GPR161: variants seen among roughly 807,000 people sequenced by gnomAD.
The protein encoded by GPR161 is G protein-coupled receptor 161, also known as G-protein coupled receptor RE2.
In GPR161, 25 loss-of-function variants were observed where a neutral mutation model predicts 39.2. That is an observed-to-expected ratio of 0.64 (90% CI 0.47 to 0.89). The LOEUF is 0.89. Among genes scored for constraint, GPR161 ranks in the 40% least tolerant of loss-of-function variants. GPR161 has a pLI of 0.00. For synonymous variants in GPR161, 286 were observed against 276.6 expected, an observed-to-expected ratio of 1.03 and a Z score of -0.34; for missense variants, 547 against 677.8, an observed-to-expected ratio of 0.81 and a Z score of 2.14.
rs763343811 is a variant in GPR161, at chr1:168,085,732, T to G, written c.1389A>C (p.Ala463=). ...AEVHKSLDSY[A]ASLAKAIEAE... is the part of the protein sequence containing the mutation. ...CCTCAATGGCTTTGGCCAAGCTTGC[T>G]GCGTAACTGTCCAAGGACTTGTGTA... Residue 463 remains alanine (A), a synonymous_variant, in exon 6 of 6, where the codon GCA becomes GCC. Coordinates refer to ENST00000682931, the MANE Select transcript of GPR161 (RefSeq NM_001375883.1). 2.2e-5 allele frequency: 36 copies of G among 1,614,118 alleles called. No individual in the cohort carries two copies. The highest frequency in any genetic ancestry group is 2.9e-5 in the Non-Finnish European group (34 of 1,180,020).
At chr1:168,129,952 A>G (rs1031933114) in intron 1 of GPR161, among the ~76,000 whole-genome samples, 10 of 151,958 alleles carry the variant, frequency 6.6e-5, no homozygotes, top group Non-Finnish European at 1.3e-4. Flanking sequence ...GCCAAACCCA[A>G]TGGGCCCTTA....
At position 168,095,753 on chromosome 1, in the gene GPR161, A is replaced by T. The variant is rs979861221; in HGVS notation, c.1099+755T>A. ...GAGGTGGGGAGGGGGTGCTGACAAG[A>T]GGAAACACTGAAGGAAAGGATGTGG... On this transcript the variant is annotated intron_variant, in intron 3 of 5. Transcript: ENST00000682931. 9.9e-5 allele frequency among the ~76,000 whole-genome samples: 15 copies of T among 152,264 alleles called. No homozygotes were observed. The South Asian group carries it at 2.3e-3, about 23-fold the overall frequency.
intron 3 of GPR161, among the ~76,000 whole-genome samples, chr1:168,091,269 G>A (rs529935887): frequency 5.2e-4 from 79 of 152,274 alleles, no homozygotes; most frequent in Middle Eastern, 3.4e-3. Context: ...GCTAGGCCTC[G>A]GGCGCCAGAC....
chr1:168,099,884 C>A, intron 2 of GPR161, among the ~76,000 whole-genome samples: 1 of 144,426 alleles, frequency 6.9e-6, no homozygotes, highest in East Asian at 2.0e-4. Context: ...TTGAAATGCA[C>A]GCATCTACAC....
At chr1:168,121,914 G>A (rs911144961) in intron 1 of GPR161, among the ~76,000 whole-genome samples, 36 of 152,190 alleles carry the variant, frequency 2.4e-4, no homozygotes, top group African/African-American at 8.4e-4. Context: ...CTAAGGTGAA[G>A]CTGGGTCACA....
intron 1 of GPR161, among the ~76,000 whole-genome samples, chr1:168,120,660 G>T (rs1224096218): frequency 2.6e-5 from 4 of 152,128 alleles, no homozygotes; most frequent in Admixed American, 6.5e-5. Context: ...TGTCGAGAGA[G>T]GGACCTGGTG....
At chr1:168,130,039 G>A (rs75920057) in intron 1 of GPR161, among the ~76,000 whole-genome samples, 4,621 of 152,190 alleles carry the variant, frequency 0.03, 94 homozygotes, top group East Asian at 0.068. Context: ...TCTTCCCTGA[G>A]CTCCTCTCTC....
intron 1 of GPR161, among the ~76,000 whole-genome samples, chr1:168,125,155 C>T (rs1170605580): frequency 6.6e-6 from 1 of 152,162 alleles, no homozygotes; most frequent in African/African-American, 2.4e-5. Flanking sequence ...TACTTATCTG[C>T]AGTTTCCCTT....
chr1:168,119,690 G>A (rs992897983), intron 1 of GPR161, among the ~76,000 whole-genome samples: 1 of 152,138 alleles, frequency 6.6e-6, no homozygotes, highest in Non-Finnish European at 1.5e-5. Flanking sequence ...ATCTTATCTC[G>A]AATTGTAATC....
At chr1:168,113,132 C>T (rs1697359961) in intron 1 of GPR161, among the ~76,000 whole-genome samples, 1 of 152,178 alleles carries the variant, frequency 6.6e-6, no homozygotes, top group Admixed American at 6.5e-5. Context: ...CCAGCTTACC[C>T]AGGGCCCAAC....
rs375708777 is a variant in GPR161, at chr1:168,101,322, C to T, written c.374+3155G>A. ...GGGAACCCCTGGGTATACGTGGCAA[C>T]GTCTATAGACATTTTGGGCTGTCAC... is the stretch of plus-strand genomic sequence containing the variant. On this transcript the variant is annotated intron_variant, in intron 2 of 5. Coordinates refer to ENST00000682931, the MANE Select transcript of GPR161 (RefSeq NM_001375883.1). 7.2e-4 allele frequency among the ~76,000 whole-genome samples: 109 copies of T among 152,208 alleles called. 2 individuals carry two copies. In the South Asian group the frequency reaches 0.02, roughly 28 times the overall value.
rs1694186418 is a variant in GPR161 at position 168,083,084 on chromosome 1, A to G, written c.*2447T>C. ...TGAAGCCACACTTCTTTCTATAACCACGACTTGACTTTGCTAGTTATTAGA... is the reference window on the plus strand; with the variant it reads ...TGAAGCCACACTTCTTTCTATAACCGCGACTTGACTTTGCTAGTTATTAGA... On this transcript the variant is annotated 3_prime_UTR_variant, in exon 6 of 6. Coordinates refer to ENST00000682931, the MANE Select transcript of GPR161 (RefSeq NM_001375883.1). 2.0e-5 allele frequency: 3 copies of G among 152,094 alleles called. No homozygotes were observed. Among genetic ancestry groups the G allele is most frequent in the Admixed American group, 2.0e-4 (3 of 15,262 alleles). 9.4% of individuals were successfully genotyped at this position (152,094 alleles called of 1,614,324 possible). A position where few individuals can be genotyped will look rare whatever the true frequency, so the allele number is the denominator to read the frequency against.
chr1:168,104,655 C>T lies in GPR161; in HGVS notation c.196G>A (p.Val66Ile), dbSNP rs374132371. 2.0e-5 allele frequency: 33 copies of T among 1,613,922 alleles called. No individual in the cohort carries two copies. The highest frequency in any genetic ancestry group is 8.0e-5 in the African/African-American group (6 of 74,896). Reference protein sequence around the residue: ...SYLLTLSNKFVFSLTLSNFLL... With the variant: ...SYLLTLSNKFIFSLTLSNFLL... ...AAGTTGGACAGAGTCAGGCTGAAGA[C>T]GAACTTGTTGCTGAGGGTGAGGAGG... Residue 66 changes from valine (V) to isoleucine (I), a missense_variant, in exon 2 of 6, where the codon GTC becomes ATC. Val to Ile is a conservative substitution (Grantham distance 29, BLOSUM62 3). Coordinates refer to ENST00000682931, the MANE Select transcript of GPR161 (RefSeq NM_001375883.1).
At chr1:168,137,350 T>C (rs1405681596), upstream of GPR161, 1 of 1,535,826 alleles carries the variant, frequency 6.5e-7, no homozygotes, top group Admixed American at 2.0e-5. Flanking sequence ...CCTCCTCCAG[T>C]CCCGCCGTGG....
At chr1:168,131,092 A>G (rs1698953030) in intron 1 of GPR161, among the ~76,000 whole-genome samples, 1 of 152,108 alleles carries the variant, frequency 6.6e-6, no homozygotes, top group Non-Finnish European at 1.5e-5. Context: ...CAGACATCCA[A>G]TGCATCACTA....
chr1:168,132,429 T>C (rs546165767), intron 1 of GPR161, among the ~76,000 whole-genome samples: 1 of 147,384 alleles, frequency 6.8e-6, no homozygotes, highest in East Asian at 2.1e-4. Context: ...CTACTAAAAA[T>C]ACAAAAAAAT....
chr1:168,132,213 C>A (rs138812999), intron 1 of GPR161, among the ~76,000 whole-genome samples: 1 of 151,720 alleles, frequency 6.6e-6, no homozygotes, highest in African/African-American at 2.4e-5. Flanking sequence ...TGCAGTGAGC[C>A]GAGATCATGC....
rs529051306 is a variant in GPR161, at chr1:168,080,272, C to T, written c.*5259G>A. 1.3e-5 allele frequency: 2 copies of T among 152,308 alleles called. No individual in the cohort carries two copies. The highest frequency in any genetic ancestry group is 3.9e-4 in the East Asian group (2 of 5,178). 9.4% of individuals were successfully genotyped at this position (152,308 alleles called of 1,614,324 possible). ...AGCCCTGCTGGCCTGTTCTGTGATA[C>T]TGATGACTCTTAACTATACCTCATC... is the stretch of plus-strand genomic sequence containing the variant. On this transcript the variant is annotated 3_prime_UTR_variant, in exon 6 of 6. Coordinates refer to ENST00000682931, the MANE Select transcript of GPR161 (RefSeq NM_001375883.1).
At chr1:168,128,256 G>C (rs562189257) in intron 1 of GPR161, among the ~76,000 whole-genome samples, 79 of 152,076 alleles carry the variant, frequency 5.2e-4, no homozygotes, top group Non-Finnish European at 6.3e-4. Context: ...GTAGACACTG[G>C]ATAATAATCA....
Sources: allele counts gnomAD v4.1 joint callset (sites outside exome capture counted in the v4.1 genomes callset), GRCh38; gene constraint gnomAD v4.1.1; transcripts MANE v1.5; gene names NCBI Gene and HGNC (gene_info 2026-07-23, HGNC 2026-07-21).